Variants in PANK1 observed in about 807,000 individuals in gnomAD.
PANK1 encodes the protein pantothenate kinase 1.
A neutral mutation model predicts 40.1 loss-of-function variants in PANK1; 18 were observed. The ratio of observed to expected loss-of-function variants is 0.45; its 90% CI spans 0.31 to 0.67. The LOEUF is 0.67. Among genes scored for constraint, PANK1 ranks in the 30% least tolerant of loss-of-function variants. PANK1 has a pLI of 0.06. For synonymous variants in PANK1, 242 were observed against 237.7 expected, an observed-to-expected ratio of 1.02 and a Z score of -0.17; for missense variants, 457 against 599.6, an observed-to-expected ratio of 0.76 and a Z score of 2.48.
chr10:89,593,905 T>C lies in PANK1; in HGVS notation c.984A>G (p.Lys328=). The C allele has an allele frequency of 2.5e-6, 4 of 1,613,772 alleles. No individual in the cohort carries two copies. The highest frequency in any genetic ancestry group is 3.4e-6 in the Non-Finnish European group (4 of 1,179,642). Residue 328 remains lysine, a synonymous_variant, in exon 4 of 7, where the codon AAA becomes AAG. Coordinates refer to ENST00000307534, the MANE Select transcript of PANK1 (RefSeq NM_148977.3). The part of the protein sequence containing the change: ...TFEEALEMAA[K]GDSTNVDKLV... ...GTTTATCAACATTGGTGCTGTCGCC[T>C]TTAGCTGCCATTTCCAGAGCTTCTT...
At chr10:89,613,865 C>G (rs1845236561) in intron 1 of PANK1, 2 of 415,740 alleles carry the variant, frequency 4.8e-6, no homozygotes, top group Non-Finnish European at 9.6e-6. Flanking sequence ...AAGCCCCAGA[C>G]TGGGATTCGG....
intron 1 of PANK1, among the ~76,000 whole-genome samples, chr10:89,634,447 G>A (rs1397708892): frequency 6.6e-6 from 1 of 152,150 alleles, no homozygotes; most frequent in Non-Finnish European, 1.5e-5. Context: ...GAATGTACAT[G>A]TGCTGGTGCT....
At chr10:89,640,650 A>G (rs760328898) in intron 1 of PANK1, among the ~76,000 whole-genome samples, 2 of 152,216 alleles carry the variant, frequency 1.3e-5, no homozygotes, top group Non-Finnish European at 1.5e-5. Flanking sequence ...GCCCTGATTA[A>G]TTTTCATGAT....
intron 1 of PANK1, among the ~76,000 whole-genome samples, chr10:89,623,968 T>C (rs1410486661): frequency 1.3e-5 from 2 of 152,178 alleles, no homozygotes; most frequent in Non-Finnish European, 2.9e-5. Flanking sequence ...ACATGTATGT[T>C]TGTGGGATGG....
chr10:89,597,607 G>T (rs1464073023), intron 3 of PANK1, among the ~76,000 whole-genome samples: 3 of 152,174 alleles, frequency 2.0e-5, no homozygotes, highest in African/African-American at 7.2e-5. Context: ...ACCCAGATCT[G>T]CGGAGCCTCC....
At chr10:89,603,184 G>A (rs1844839552) in intron 2 of PANK1, among the ~76,000 whole-genome samples, 1 of 152,154 alleles carries the variant, frequency 6.6e-6, no homozygotes, top group Non-Finnish European at 1.5e-5. Context: ...CTAGTTTATA[G>A]CATTTACTAA....
chr10:89,645,205 C>A lies in PANK1; in HGVS notation c.-314G>T. 1 of 1,597,214 alleles carries A rather than the reference C, an allele frequency of 6.3e-7. No individual in the cohort carries two copies. Among genetic ancestry groups the A allele is most frequent in the East Asian group, 2.4e-5 (1 of 42,156 alleles). On this transcript the variant is annotated 5_prime_UTR_variant, in exon 1 of 7. Coordinates refer to ENST00000307534, the MANE Select transcript of PANK1 (RefSeq NM_148977.3). ...GCCCGCCTTCCCCTGATCCCCAGGC[C>A]GCGCGACTTCAAACGCGGCTTCCTC...
chr10:89,623,673 C>T (rs996591087), intron 1 of PANK1, among the ~76,000 whole-genome samples: 1 of 152,042 alleles, frequency 6.6e-6, no homozygotes, highest in African/African-American at 2.4e-5. Context: ...GTGGTCCTGC[C>T]CATAGAAAAT....
chr10:89,636,421 C>T (rs749156079), intron 1 of PANK1, among the ~76,000 whole-genome samples: 31 of 151,820 alleles, frequency 2.0e-4, no homozygotes, highest in Admixed American at 1.4e-3. Context: ...ACTGCAGGCT[C>T]GGCCCCCCGG....
downstream of PANK1, chr10:89,579,936 G>A (rs1343025078): frequency 6.6e-6 from 1 of 152,218 alleles, no homozygotes; most frequent in Non-Finnish European, 1.5e-5. Context: ...TTAAACAGAT[G>A]AGCAAAAGAA....
chr10:89,588,814 C>T (rs373003198), intron 5 of PANK1, 37 bp from the exon 6 acceptor site: 8 of 1,509,308 alleles, frequency 5.3e-6, no homozygotes, highest in Non-Finnish European at 7.2e-6. Context: ...TGAATCATGG[C>T]ATAAAAATAG....
At position 89,629,080 on chromosome 10, in the gene PANK1, T is replaced by G. The variant is rs183039566; in HGVS notation, c.292+15520A>C. ...AGCAAGTCTGTTAAAACTGCATGTATAGTTATTATTTGTCAATTTAAAAAA... is the reference window on the plus strand; with the variant it reads ...AGCAAGTCTGTTAAAACTGCATGTAGAGTTATTATTTGTCAATTTAAAAAA... On this transcript the variant is annotated intron_variant, in intron 1 of 6. Coordinates refer to ENST00000307534, the MANE Select transcript of PANK1 (RefSeq NM_148977.3). Among the ~76,000 whole-genome samples, 95 of 152,358 alleles carry G rather than the reference T, an allele frequency of 6.2e-4. 2 individuals carry two copies. The highest frequency in any genetic ancestry group is 1.1e-3 in the Non-Finnish European group (74 of 68,038).
In PANK1 at chr10:89,593,899, G is replaced by A; in HGVS notation, c.990C>T (p.Asp330=). Residue 330 remains aspartate (D), a synonymous_variant, in exon 4 of 7, where the codon GAC becomes GAT. Transcript: ENST00000307534. ...EEALEMAAKG[D]STNVDKLVKD... is the part of the protein sequence containing the mutation. ...TCACCAGTTTATCAACATTGGTGCT[G>A]TCGCCTTTAGCTGCCATTTCCAGAG... 1 of 1,613,616 alleles carries A rather than the reference G, an allele frequency of 6.2e-7. No homozygotes were observed.
At chr10:89,607,789 A>G (rs1001920456) in intron 2 of PANK1, among the ~76,000 whole-genome samples, 2 of 151,898 alleles carry the variant, frequency 1.3e-5, no homozygotes, top group Non-Finnish European at 2.9e-5. Context: ...CCCACAGAAT[A>G]TAGACACTGG....
At chr10:89,588,208 A>G (rs1354337456) in intron 6 of PANK1, among the ~76,000 whole-genome samples, 1 of 152,198 alleles carries the variant, frequency 6.6e-6, no homozygotes, top group East Asian at 1.9e-4. Context: ...AAAAAAATCC[A>G]TTCATCTGCT....
chr10:89,599,588 G>C, intron 2 of PANK1, 83 bp from the exon 3 acceptor site: 1 of 1,324,246 alleles, frequency 7.6e-7, no homozygotes, highest in Middle Eastern at 1.9e-4. Context: ...TATTTAAGAT[G>C]GGGTCATTCA....
intron 1 of PANK1, among the ~76,000 whole-genome samples, chr10:89,638,132 A>C (rs1841875757): frequency 6.6e-6 from 1 of 152,210 alleles, no homozygotes; most frequent in African/African-American, 2.4e-5. Context: ...TTATACCATC[A>C]TCATCAAAAA....
At chr10:89,637,992 C>T (rs1262229766) in intron 1 of PANK1, among the ~76,000 whole-genome samples, 1 of 151,836 alleles carries the variant, frequency 6.6e-6, no homozygotes, top group Non-Finnish European at 1.5e-5. Context: ...ACACATTAAC[C>T]TAGGTCTACA....
Position 89,588,739 on chromosome 10 carries a change from T to C in PANK1, c.1239A>G (p.Arg413=). Residue 413 remains arginine, a synonymous_variant, in exon 6 of 7, where the codon AGA becomes AGG. Transcript: ENST00000307534. ...DRVVFVGNFL[R]INMVSMKLLA... ...GCAGCTTCATGGAGACCATATTGAT[T>C]CTGAGAAAATTTCCAACAAACACAA... 6.2e-7 allele frequency: 1 copy of C among 1,604,678 alleles called. No homozygotes were observed. The highest frequency in any genetic ancestry group is 8.5e-7 in the Non-Finnish European group (1 of 1,175,504).
Sources: allele counts gnomAD v4.1 joint callset (sites outside exome capture counted in the v4.1 genomes callset), GRCh38; gene constraint gnomAD v4.1.1; transcripts MANE v1.5; gene names NCBI Gene and HGNC (gene_info 2026-07-23, HGNC 2026-07-21).